Variants in CDC7 observed in about 807,000 individuals in gnomAD.
CDC7 encodes cell division cycle 7-related protein kinase.
A neutral mutation model predicts 53.5 loss-of-function variants in CDC7; 34 were observed. The observed-to-expected ratio is 0.64, with a 90% CI of 0.48 to 0.85. The LOEUF is 0.85. CDC7 is among the 40% of genes least tolerant of loss of function. The pLI is 0.00. For synonymous variants in CDC7, 211 were observed against 222.8 expected (o/e 0.95, Z 0.47); for missense variants, 594 against 679.7 (o/e 0.87, Z 1.40).
At chr1:91,508,865 T>A (rs1343203874) in intron 4 of CDC7, among the ~76,000 whole-genome samples, 2 of 152,188 alleles carry the variant, frequency 1.3e-5, no homozygotes, top group Non-Finnish European at 2.9e-5. Flanking sequence ...TTCCACCTGC[T>A]CCATCATTTC....
intron 11 of CDC7, 142 bp downstream of exon 11, chr1:91,520,421 C>T: frequency 1.6e-6 from 1 of 630,224 alleles, no homozygotes; most frequent in Non-Finnish European, 2.5e-6. Context: ...GAAAATTCTT[C>T]AGTTGCTTGA....
At chr1:91,519,256 CAAAAAAAAAAAAAAAA>C (rs71087957) in intron 10 of CDC7, among the ~76,000 whole-genome samples, 2 of 60,172 alleles carry the variant, frequency 3.3e-5, no homozygotes, top group Non-Finnish European at 7.0e-5. Context: ...ACTAAAAATA[CAAAAAAAAAAAAAAAA>C]AAAAAAAAAA....
intron 11 of CDC7, among the ~76,000 whole-genome samples, chr1:91,523,576 A>G (rs1668098366): frequency 6.6e-6 from 1 of 152,194 alleles, no homozygotes; most frequent in Non-Finnish European, 1.5e-5. Context: ...GTCAAGCCTC[A>G]GAGGTGATTC....
chr1:91,505,990 C>G (rs1350749937), intron 2 of CDC7, among the ~76,000 whole-genome samples: 1 of 151,934 alleles, frequency 6.6e-6, no homozygotes, highest in Non-Finnish European at 1.5e-5. Context: ...CAGCCACATT[C>G]TATTTCTATT....
chr1:91,501,697 T>A lies in CDC7; in HGVS notation c.-20T>A, dbSNP rs1666691120. 3 of 1,579,660 alleles carry A rather than the reference T, an allele frequency of 1.9e-6. No individual in the cohort carries two copies. Among genetic ancestry groups the A allele is most frequent in the Admixed American group, 3.4e-5 (2 of 59,524 alleles). ...GGATGTAACCCCTTAGCTGGCATTT[T>A]GCATCTCAATTGGCTTGTGATGGAG... On this transcript the variant is annotated 5_prime_UTR_variant, in exon 2 of 12. Transcript: ENST00000234626.
intron 2 of CDC7, among the ~76,000 whole-genome samples, chr1:91,504,101 C>G (rs1170332809): frequency 6.7e-6 from 1 of 149,172 alleles, no homozygotes; most frequent in Non-Finnish European, 1.5e-5. Flanking sequence ...ACTGTTTTGG[C>G]AAGCTTTTTT....
intron 2 of CDC7, among the ~76,000 whole-genome samples, chr1:91,503,742 A>C (rs1379597642): frequency 2.0e-5 from 3 of 152,186 alleles, no homozygotes; most frequent in African/African-American, 7.2e-5. Flanking sequence ...CCCATTATTG[A>C]AATATTGCCA....
rs745981093 is a variant in CDC7 at position 91,511,938 on chromosome 1, TTAC to T, written c.572+18_572+20del. The T allele has an allele frequency of 6.5e-7, 1 of 1,542,316 alleles. No individual in the cohort carries two copies. Among genetic ancestry groups the T allele is most frequent in the South Asian group, 1.2e-5 (1 of 82,082 alleles). On this transcript the variant is annotated intron_variant, in intron 6 of 11. Coordinates refer to ENST00000234626, the MANE Select transcript of CDC7 (RefSeq NM_003503.4). Reference sequence around the variant, plus strand: ...CGCCTGAAAAAGTAAGTATGAAGAGTTACTAGAAAATATTTATCCTATTTCTTT... The same window carrying T: ...CGCCTGAAAAAGTAAGTATGAAGAGTTAGAAAATATTTATCCTATTTCTTT...
At chr1:91,513,836 C>A in intron 7 of CDC7, 112 bp from the exon 8 acceptor site, 1 of 674,208 alleles carries the variant, frequency 1.5e-6, no homozygotes, top group Non-Finnish European at 2.6e-6. Flanking sequence ...GACTTGGATG[C>A]AGCTGTTTTT....
intron 1 of CDC7, 119 bp from the exon 2 acceptor site, chr1:91,501,535 G>A: frequency 1.6e-6 from 1 of 615,878 alleles, no homozygotes; most frequent in Non-Finnish European, 2.9e-6. Flanking sequence ...ATGCCCTACT[G>A]TGGAGGTTTG....
chr1:91,501,320 C>A, intron 1 of CDC7: 2 of 192,812 alleles, frequency 1.0e-5, no homozygotes, highest in Middle Eastern at 2.4e-3. Context: ...TCCCTCAGTT[C>A]TTTTCCTGAC....
intron 10 of CDC7, among the ~76,000 whole-genome samples, chr1:91,519,465 C>T (rs149589906): frequency 2.6e-5 from 4 of 151,784 alleles, no homozygotes; most frequent in Admixed American, 2.0e-4. Flanking sequence ...TTGGATTGTT[C>T]GTAACACAAA....
At chr1:91,509,605 G>A (rs12043025) in intron 4 of CDC7, among the ~76,000 whole-genome samples, 20 of 152,152 alleles carry the variant, frequency 1.3e-4, no homozygotes, top group Admixed American at 3.9e-4. Flanking sequence ...CCTAGACTAC[G>A]ACTGTAGCCT....
chr1:91,522,070 C>T (rs1453629920), intron 11 of CDC7, among the ~76,000 whole-genome samples: 2 of 152,056 alleles, frequency 1.3e-5, no homozygotes, highest in South Asian at 2.1e-4. Flanking sequence ...GAGGCTGAGG[C>T]AGGAGAACCA....
intron 7 of CDC7, among the ~76,000 whole-genome samples, 163 bp from the exon 8 acceptor site, chr1:91,513,785 C>G (rs1667410285): frequency 6.6e-6 from 1 of 152,094 alleles, no homozygotes; most frequent in Non-Finnish European, 1.5e-5. Context: ...TCTGTCTAGA[C>G]TATTTTCTCC....
In CDC7 at chr1:91,524,391, G is replaced by T. The variant is rs1668153617; in HGVS notation, c.1681G>T (p.Glu561Ter). 1.2e-6 allele frequency: 2 copies of T among 1,612,132 alleles called. No homozygotes were observed. The highest frequency in any genetic ancestry group is 1.7e-6 in the Non-Finnish European group (2 of 1,179,714). Residue 561 changes from glutamate to a stop codon, truncating the protein, a stop_gained, in exon 12 of 12, where the codon GAA becomes TAA. Coordinates refer to ENST00000234626, the MANE Select transcript of CDC7 (RefSeq NM_003503.4). LOFTEE classifies it high-confidence loss of function. Reference protein sequence around the residue: ...DLNPASRITAEEALLHPFFKD... With the variant: ...DLNPASRITA ...AAATCCAGCTTCAAGAATAACAGCA[G>T]AAGAAGCTTTGTTGCATCCATTTTT... is the stretch of plus-strand genomic sequence containing the variant.
intron 10 of CDC7, among the ~76,000 whole-genome samples, chr1:91,518,227 C>G (rs2102389380): frequency 6.8e-6 from 1 of 147,404 alleles, no homozygotes; most frequent in Non-Finnish European, 1.5e-5. Flanking sequence ...TTTTTAACAT[C>G]AAGTTGAGCT....
intron 2 of CDC7, among the ~76,000 whole-genome samples, chr1:91,502,047 A>G (rs1332518871): frequency 6.6e-6 from 1 of 152,206 alleles, no homozygotes; most frequent in Non-Finnish European, 1.5e-5. Context: ...TGAAGTTGCT[A>G]TGGTCTCAGT....
In CDC7 at chr1:91,515,785, C is replaced by G; in HGVS notation, c.1098-9C>G. The G allele has an allele frequency of 1.9e-6, 3 of 1,612,694 alleles. No homozygotes were observed. Among genetic ancestry groups the G allele is most frequent in the Non-Finnish European group, 1.7e-6 (2 of 1,179,468 alleles). On this transcript the variant is annotated splice_polypyrimidine_tract_variant and intron_variant, in intron 9 of 11. Coordinates refer to ENST00000234626, the MANE Select transcript of CDC7 (RefSeq NM_003503.4). Reference sequence around the variant, plus strand: ...TAACATAACTAGAGAAATCTTATTTCATCATAAGGCGTCAGCAGGTTGCCC... The same window carrying G: ...TAACATAACTAGAGAAATCTTATTTGATCATAAGGCGTCAGCAGGTTGCCC...
Sources: allele counts gnomAD v4.1 joint callset (sites outside exome capture counted in the v4.1 genomes callset), GRCh38; gene constraint gnomAD v4.1.1; transcripts MANE v1.5; gene names NCBI Gene and HGNC (gene_info 2026-07-23, HGNC 2026-07-21).